CABYR: variants seen among roughly 807,000 people sequenced by gnomAD.
CABYR encodes calcium-binding tyrosine phosphorylation-regulated protein.
In CABYR, 31 loss-of-function variants were observed where a neutral mutation model predicts 36.1. The ratio of observed to expected loss-of-function variants is 0.86; its 90% CI spans 0.64 to 1.16. The LOEUF (loss-of-function observed/expected upper bound fraction) is 1.16. CABYR is among the 50% of genes most tolerant of loss of function. CABYR has a pLI of 0.00. For missense variants in CABYR, 429 were observed against 455.8 expected (o/e 0.94, Z 0.53); for synonymous variants, 146 against 160.7 (o/e 0.91, Z 0.69).
intron 3 of CABYR, chr18:24,150,556 G>A (rs1214063062): frequency 1.1e-5 from 11 of 982,476 alleles, no homozygotes; most frequent in Middle Eastern, 5.2e-4. Flanking sequence ...ACTAATGTTT[G>A]TTGAATGAAG....
Position 24,155,859 on chromosome 18 carries a change from A to C in CABYR, c.358A>C (p.Thr120Pro), listed in dbSNP as rs893098536. The C allele has an allele frequency of 6.2e-7, 1 of 1,614,164 alleles. No homozygotes were observed. Among genetic ancestry groups the C allele is most frequent in the Non-Finnish European group, 8.5e-7 (1 of 1,180,028 alleles). ...VTRTEYSDKT[T>P]QFPSVYAVPG... The stretch of plus-strand genomic sequence containing the variant: ...CAGAACAGAATATAGTGACAAAACC[A>C]CCCAGTTTCCATCAGTTTATGCTGT... The change falls in exon 4 of 6, where the codon ACC becomes CCC. Residue 120 changes from threonine to proline, a missense_variant. Thr to Pro is a conservative substitution (Grantham distance 38, BLOSUM62 -1). Coordinates refer to ENST00000399496, the MANE Select transcript of CABYR (RefSeq NM_153769.3).
At chr18:24,160,256 G>A in intron 5 of CABYR, 187 bp downstream of exon 5, 1 of 590,234 alleles carries the variant, frequency 1.7e-6, no homozygotes, top group East Asian at 2.8e-5. Flanking sequence ...TGCACAGCAG[G>A]TGCACTGTAC....
intron 1 of CABYR, 52 bp from the exon 2 acceptor site, chr18:24,143,039 A>C (rs182985592): frequency 0.11 from 150,021 of 1,313,324 alleles, 10,575 homozygotes; most frequent in Middle Eastern, 0.22. Context: ...AAAAAAAAAA[A>C]AAACCTATTT....
At chr18:24,152,310 CCA>C (rs1217206352) in intron 3 of CABYR, among the ~76,000 whole-genome samples, 1 of 152,166 alleles carries the variant, frequency 6.6e-6, no homozygotes, top group Non-Finnish European at 1.5e-5. Flanking sequence ...CACTTAGTGT[CCA>C]CAGAAACTCC....
chr18:24,153,839 C>T (rs2085700191), intron 3 of CABYR, among the ~76,000 whole-genome samples: 1 of 152,012 alleles, frequency 6.6e-6, no homozygotes, highest in Non-Finnish European at 1.5e-5. Flanking sequence ...TGCGGTGGCT[C>T]AACCCCTGTA....
rs1215392309 is a variant in CABYR, at chr18:24,160,064, A to G, written c.1134A>G (p.Glu378=). ...TAHKRRKAET[E]N Reference sequence around the variant, plus strand: ...ACAAACGTCGCAAAGCAGAAACTGAAAACTGGTAGGTACACTTTCCTACCA... The same window carrying G: ...ACAAACGTCGCAAAGCAGAAACTGAGAACTGGTAGGTACACTTTCCTACCA... The change falls in exon 5 of 6, where the codon GAA becomes GAG. Residue 378 remains glutamate (E), a synonymous_variant. Coordinates refer to ENST00000399496, the MANE Select transcript of CABYR (RefSeq NM_153769.3). 2 of 1,608,584 alleles carry G rather than the reference A, an allele frequency of 1.2e-6. No homozygotes were observed. The highest frequency in any genetic ancestry group is 2.2e-5 in the South Asian group (2 of 90,518).
intron 1 of CABYR, among the ~76,000 whole-genome samples, chr18:24,141,197 C>T (rs185998706): frequency 1.1e-3 from 161 of 152,246 alleles, no homozygotes; most frequent in African/African-American, 3.6e-3. Context: ...TTGCTTTGGC[C>T]AGTACAGATT....
At chr18:24,149,576 C>T (rs1194950158) in intron 3 of CABYR, among the ~76,000 whole-genome samples, 1 of 152,208 alleles carries the variant, frequency 6.6e-6, no homozygotes, top group African/African-American at 2.4e-5. Flanking sequence ...CTTGGGTGGT[C>T]GATGGGACTG....
At chr18:24,160,092 ATAT>A in intron 5 of CABYR, 23 bp downstream of exon 5, 1 of 1,516,588 alleles carries the variant, frequency 6.6e-7, no homozygotes, top group Non-Finnish European at 9.1e-7. Flanking sequence ...TCCTACCATA[ATAT>A]TTAGGCCTTA....
chr18:24,142,499 C>T (rs947916431), intron 1 of CABYR, among the ~76,000 whole-genome samples: 3 of 152,098 alleles, frequency 2.0e-5, no homozygotes, highest in African/African-American at 7.2e-5. Flanking sequence ...ACAAAATATT[C>T]ACTGAATTTT....
In CABYR at chr18:24,156,503, AG is replaced by A. The variant is rs771650129; in HGVS notation, c.541+462del. 4 of 1,614,184 alleles carry A rather than the reference AG, an allele frequency of 2.5e-6. No individual in the cohort carries two copies. The Admixed American group carries it at 5.0e-5, about 20-fold the overall frequency. ...GTCTTAAAGAAAATGAGCAGTCAAA[AG>A]AAAATGAGCAGTCACCACGAGTTAG... On this transcript the variant is annotated intron_variant, in intron 4 of 5. Transcript: ENST00000399496.
At position 24,143,812 on chromosome 18, in the gene CABYR, C is replaced by T. The variant is rs115800455; in HGVS notation, c.199+399C>T. Among the ~76,000 whole-genome samples the T allele has an allele frequency of 6.6e-3, 1,009 of 152,062 alleles. 8 individuals are homozygous for T. Among genetic ancestry groups the T allele is most frequent in the African/African-American group, 0.024 (984 of 41,482 alleles). ...CAGCCTCCCACAGTGTTGGGATTAC[C>T]GGCATGAGGAGAATTGGATTTCATA... On this transcript the variant is annotated intron_variant, in intron 3 of 5. Coordinates refer to ENST00000399496, the MANE Select transcript of CABYR (RefSeq NM_153769.3).
At chr18:24,157,006 A>C (rs754113890) in intron 4 of CABYR, 1 of 1,586,118 alleles carries the variant, frequency 6.3e-7, no homozygotes, top group South Asian at 1.1e-5. Context: ...CCAGGTAAGA[A>C]AATCAGGTAT....
At chr18:24,160,613 C>A (rs961320508) in intron 5 of CABYR, among the ~76,000 whole-genome samples, 1 of 152,178 alleles carries the variant, frequency 6.6e-6, no homozygotes, top group Non-Finnish European at 1.5e-5. Flanking sequence ...TTTAATTTTT[C>A]ATTCATACTT....
Position 24,156,709 on chromosome 18 carries a change from T to A in CABYR, c.541+667T>A, listed in dbSNP as rs1428272438. 7 of 1,614,110 alleles carry A rather than the reference T, an allele frequency of 4.3e-6. No homozygotes were observed. The East Asian group carries it at 1.6e-4, about 36-fold the overall frequency. On this transcript the variant is annotated intron_variant, in intron 4 of 5. Coordinates refer to ENST00000399496, the MANE Select transcript of CABYR (RefSeq NM_153769.3). ...CAGCCTGAGGTACCTGCACAACTCC[T>A]GGATGCAGAAGGTGCTATCAAAATA... is the stretch of plus-strand genomic sequence containing the variant.
chr18:24,155,777 A>C lies in CABYR; in HGVS notation c.276A>C (p.Glu92Asp). Residue 92 changes from glutamate (E) to aspartate (D), a missense_variant, in exon 4 of 6, where the codon GAA becomes GAC. Coordinates refer to ENST00000399496, the MANE Select transcript of CABYR (RefSeq NM_153769.3). The part of the protein sequence containing the change: ...CLKEPGKTSV[E>D]SKVPTQMEKS... ...AAGAACCAGGAAAAACATCTGTAGA[A>C]TCTAAAGTACCTACCCAGATGGAAA... 1 of 1,614,076 alleles carries C rather than the reference A, an allele frequency of 6.2e-7. No individual in the cohort carries two copies. Among genetic ancestry groups the C allele is most frequent in the Non-Finnish European group, 8.5e-7 (1 of 1,179,938 alleles).
chr18:24,139,929 ATTCT>A (rs1273345912), intron 1 of CABYR: 21 of 141,398 alleles, frequency 1.5e-4, no homozygotes, highest in African/African-American at 4.5e-4. Context: ...TTTCTTTTTT[ATTCT>A]TTTTTTTTTT....
chr18:24,145,248 G>C (rs953604613), intron 3 of CABYR, among the ~76,000 whole-genome samples: 1 of 152,174 alleles, frequency 6.6e-6, no homozygotes, highest in Non-Finnish European at 1.5e-5. Context: ...TCAGCAGAGA[G>C]GGAGAGATTT....
At chr18:24,144,406 A>G (rs1024955457) in intron 3 of CABYR, among the ~76,000 whole-genome samples, 3 of 152,226 alleles carry the variant, frequency 2.0e-5, no homozygotes, top group Non-Finnish European at 4.4e-5. Flanking sequence ...TGAGTGAGAT[A>G]AACAGGTAAC....
Sources: allele counts gnomAD v4.1 joint callset (sites outside exome capture counted in the v4.1 genomes callset), GRCh38; gene constraint gnomAD v4.1.1; transcripts MANE v1.5; gene names NCBI Gene and HGNC (gene_info 2026-07-23, HGNC 2026-07-21).